Variants in LAMB4 observed in about 807,000 individuals in gnomAD.
LAMB4 encodes laminin subunit beta 4, also known as laminin subunit beta-4.
In LAMB4, 196 loss-of-function variants were observed where a neutral mutation model predicts 199.2. That is an observed-to-expected ratio of 0.98 (90% CI 0.88 to 1.11). The LOEUF (loss-of-function observed/expected upper bound fraction) is 1.11. LAMB4 is among the 50% of genes least tolerant of loss of function. LAMB4 has a pLI of 0.00. For synonymous variants in LAMB4, 744 were observed against 770.6 expected (o/e 0.97, Z 0.57); for missense variants, 2,080 against 2,171.2 (o/e 0.96, Z 0.83).
intron 32 of LAMB4, among the ~76,000 whole-genome samples, 182 bp from the exon 33 acceptor site, chr7:108,029,378 A>G (rs999315835): frequency 6.6e-6 from 1 of 152,192 alleles, no homozygotes; most frequent in African/African-American, 2.4e-5. Context: ...TTTCAGATTG[A>G]AAAAAATGTC....
rs543460617 is a variant in LAMB4, at chr7:108,071,979, T to C, written c.2125-2094A>G. ...TGCTATGCTCCTCCTGCTCATCCTCTCAACCCCATGGTCCTCAATATGGGA... is the reference window on the plus strand; with the variant it reads ...TGCTATGCTCCTCCTGCTCATCCTCCCAACCCCATGGTCCTCAATATGGGA... On this transcript the variant is annotated intron_variant, in intron 17 of 33. Transcript: ENST00000388781. Among the ~76,000 whole-genome samples the C allele has an allele frequency of 1.3e-3, 197 of 152,106 alleles. 2 individuals are homozygous for C. The highest frequency in any genetic ancestry group is 4.6e-3 in the African/African-American group (192 of 41,490).
chr7:108,068,906 G>A (rs1273796624), intron 18 of LAMB4, among the ~76,000 whole-genome samples: 2 of 151,908 alleles, frequency 1.3e-5, no homozygotes, highest in East Asian at 1.9e-4. Context: ...GGCTGGTCTC[G>A]AACTCCTGAC....
Position 108,115,988 on chromosome 7 carries a change from C to A in LAMB4, c.192+16G>T. 1 of 1,604,244 alleles carries A rather than the reference C, an allele frequency of 6.2e-7. No homozygotes were observed. The stretch of plus-strand genomic sequence containing the variant: ...ATTAAATAATGTCCCAGCAAATAAA[C>A]AAAGAGCCAACCCACCTCCAGGTAA... On this transcript the variant is annotated intron_variant, in intron 3 of 33. Transcript: ENST00000388781.
At chr7:108,079,275 T>C (rs113049201) in intron 15 of LAMB4, among the ~76,000 whole-genome samples, 2,659 of 152,266 alleles carry the variant, frequency 0.017, 77 homozygotes, top group African/African-American at 0.059. Flanking sequence ...GTTTATTAAA[T>C]TTTTAGAAGA....
chr7:108,045,628 A>G (rs1364454776), intron 28 of LAMB4, among the ~76,000 whole-genome samples: 1 of 152,180 alleles, frequency 6.6e-6, no homozygotes, highest in Non-Finnish European at 1.5e-5. Context: ...TGAGGTTTCT[A>G]TTTTTTTGAG....
At position 108,098,468 on chromosome 7, in the gene LAMB4, G is replaced by A; in HGVS notation, c.1295C>T (p.Ala432Val). 1 of 1,569,214 alleles carries A rather than the reference G, an allele frequency of 6.4e-7. No homozygotes were observed. The change falls in exon 11 of 34, where the codon GCC (alanine) becomes GTC (valine). Residue 432 changes from alanine to valine, a missense_variant. Ala to Val is a moderately conservative substitution (Grantham distance 64). Transcript: ENST00000388781. The stretch of plus-strand genomic sequence containing the variant: ...GTTGGGTTTGCACTGGTCGCATTTG[G>A]CTCCTTCCACGTTCTCTTTACAAAG... ...QCLCKENVEG[A>V]KCDQCKPNHY...
At position 108,052,428 on chromosome 7, in the gene LAMB4, T is replaced by C. The variant is rs185874548; in HGVS notation, c.3756-171A>G. 2.0e-3 allele frequency among the ~76,000 whole-genome samples: 309 copies of C among 152,314 alleles called. No homozygotes were observed. In the Middle Eastern group the frequency reaches 0.037, roughly 18 times the overall value. On this transcript the variant is annotated intron_variant, in intron 25 of 33. Transcript: ENST00000388781. ...ATAATTGTGTTTATGTCTCATCTCTTTCATCTTAATTCACCTTCCTGGACT... is the reference window on the plus strand; with the variant it reads ...ATAATTGTGTTTATGTCTCATCTCTCTCATCTTAATTCACCTTCCTGGACT...
chr7:108,044,043 G>T, intron 28 of LAMB4, 147 bp from the exon 29 acceptor site: 3 of 587,124 alleles, frequency 5.1e-6, no homozygotes, highest in Non-Finnish European at 8.4e-6. Context: ...TCATTTGCAA[G>T]GAATCTTTTA....
In LAMB4 at chr7:108,048,113, T is replaced by C. The variant is rs2035698477; in HGVS notation, c.4123-2A>G. 1.3e-6 allele frequency: 2 copies of C among 1,593,162 alleles called. No individual in the cohort carries two copies. The highest frequency in any genetic ancestry group is 2.3e-5 in the South Asian group (2 of 88,804). On this transcript the variant is annotated splice_acceptor_variant, in intron 27 of 33. Coordinates refer to ENST00000388781, the MANE Select transcript of LAMB4 (RefSeq NM_007356.3). LOFTEE classifies it high-confidence loss of function. The stretch of plus-strand genomic sequence containing the variant: ...CACATTTCCTGGATCTCCGCACACC[T>C]TGCAAGAGAAATGATTTACGTTAAA...
chr7:108,129,971 C>A (rs2038923003), intron 1 of LAMB4, among the ~76,000 whole-genome samples: 1 of 152,138 alleles, frequency 6.6e-6, no homozygotes, highest in Non-Finnish European at 1.5e-5. Flanking sequence ...AGTTTTATAA[C>A]CATAACAAAA....
chr7:108,117,184 T>C (rs2038437389), intron 2 of LAMB4, among the ~76,000 whole-genome samples: 1 of 152,228 alleles, frequency 6.6e-6, no homozygotes, highest in African/African-American at 2.4e-5. Context: ...AAATTACCTA[T>C]ATAGTACAGC....
intron 5 of LAMB4, among the ~76,000 whole-genome samples, chr7:108,108,227 C>T (rs575442694): frequency 1.3e-5 from 2 of 152,324 alleles, no homozygotes; most frequent in South Asian, 4.1e-4. Flanking sequence ...CTGTTCCTGG[C>T]CAGGTCTATC....
At chr7:108,128,291 T>C in intron 1 of LAMB4, among the ~76,000 whole-genome samples, 1 of 152,176 alleles carries the variant, frequency 6.6e-6, no homozygotes, top group East Asian at 1.9e-4. Context: ...GTCCCTTCTT[T>C]GGCCTCTCAA....
chr7:108,117,136 A>G (rs1299504590), intron 2 of LAMB4, among the ~76,000 whole-genome samples: 1 of 152,238 alleles, frequency 6.6e-6, no homozygotes, highest in Non-Finnish European at 1.5e-5. Context: ...GAATTAAGTT[A>G]TAAACCCATA....
In LAMB4 at chr7:108,105,211, A is replaced by T. The variant is rs1584761892; in HGVS notation, c.871-592T>A. 2.0e-5 allele frequency among the ~76,000 whole-genome samples: 3 copies of T among 152,230 alleles called. No homozygotes were observed. The South Asian group carries it at 6.2e-4, about 32-fold the overall frequency. ...ACTCCCTGGGGCTCTGCATAAAACT[A>T]CAACTCTTCTACAATGTCTTTTAAG... On this transcript the variant is annotated intron_variant, in intron 8 of 33. Coordinates refer to ENST00000388781, the MANE Select transcript of LAMB4 (RefSeq NM_007356.3).
intron 1 of LAMB4, among the ~76,000 whole-genome samples, chr7:108,127,189 GTT>G (rs758228106): frequency 4.4e-3 from 303 of 69,088 alleles, no homozygotes; most frequent in African/African-American, 9.1e-3. Context: ...TTTTTTTTGT[GTT>G]TTTTTTTTTT....
At chr7:108,077,917 G>C (rs1323356919) in intron 16 of LAMB4, among the ~76,000 whole-genome samples, 1 of 152,156 alleles carries the variant, frequency 6.6e-6, no homozygotes, top group African/African-American at 2.4e-5. Context: ...TAGAATCCTG[G>C]TTCTGCTACA....
chr7:108,019,954 A>C (rs890756903), downstream of LAMB4, among the ~76,000 whole-genome samples: 6 of 152,156 alleles, frequency 3.9e-5, no homozygotes, highest in African/African-American at 1.4e-4. Context: ...GGGCCACACC[A>C]GCTACCTCAT....
chr7:108,106,687 C>T lies in LAMB4; in HGVS notation c.592-115G>A, dbSNP rs550203471. 4.9e-6 allele frequency: 3 copies of T among 614,192 alleles called. No homozygotes were observed. In the South Asian group the frequency reaches 6.0e-5, roughly 12 times the overall value. The allele number at this position is 614,192 out of a possible 1,614,324, so 38.0% of individuals were successfully genotyped here. A position where few individuals can be genotyped will look rare whatever the true frequency, so the allele number is the denominator to read the frequency against. On this transcript the variant is annotated intron_variant, in intron 6 of 33. Coordinates refer to ENST00000388781, the MANE Select transcript of LAMB4 (RefSeq NM_007356.3). ...CCAAGAAATCTTACCACTTCAGCCT[C>T]CCAAGTAGCTGAGACCACAGGCATG... is the stretch of plus-strand genomic sequence containing the variant.
Sources: allele counts gnomAD v4.1 joint callset (sites outside exome capture counted in the v4.1 genomes callset), GRCh38; gene constraint gnomAD v4.1.1; transcripts MANE v1.5; gene names NCBI Gene and HGNC (gene_info 2026-07-23, HGNC 2026-07-21).